The following MAML3 variants were observed in gnomAD, a reference collection of about 807,000 sequenced individuals.
MAML3 encodes mastermind-like protein 3.
A neutral mutation model predicts 101.9 loss-of-function variants in MAML3; 27 were observed. The observed-to-expected ratio is 0.27, with a 90% CI of 0.20 to 0.37. The LOEUF is 0.37. MAML3 is among the 10% of genes least tolerant of loss of function. The pLI is 1.00. For synonymous variants in MAML3, 501 were observed against 555.9 expected (o/e 0.90, Z 1.39); for missense variants, 1,316 against 1,444.9 (o/e 0.91, Z 1.45).
chr4:140,002,659 G>A (rs1734944823), intron 1 of MAML3, among the ~76,000 whole-genome samples: 1 of 152,148 alleles, frequency 6.6e-6, no homozygotes, highest in African/African-American at 2.4e-5. Context: ...ACCTCCCACT[G>A]CCTAACACAG....
intron 1 of MAML3, among the ~76,000 whole-genome samples, chr4:140,045,653 T>C (rs1169600207): frequency 6.6e-6 from 1 of 152,178 alleles, no homozygotes; most frequent in African/African-American, 2.4e-5. Context: ...CTATATAATG[T>C]TTTCACACTT....
intron 1 of MAML3, among the ~76,000 whole-genome samples, chr4:140,143,676 G>C (rs1056368482): frequency 1.3e-5 from 2 of 152,128 alleles, no homozygotes; most frequent in Admixed American, 1.3e-4. Context: ...CAGGAGAATC[G>C]CTTCAACCCA....
intron 1 of MAML3, among the ~76,000 whole-genome samples, chr4:140,146,309 G>A (rs867715533): frequency 7.2e-5 from 11 of 152,216 alleles, no homozygotes; most frequent in Admixed American, 3.9e-4. Context: ...CCCAAATGGA[G>A]AAAGGAACTC....
intron 1 of MAML3, among the ~76,000 whole-genome samples, chr4:140,012,486 T>C (rs1476722007): frequency 6.6e-6 from 1 of 152,226 alleles, no homozygotes; most frequent in Non-Finnish European, 1.5e-5. Flanking sequence ...CCATTCACTT[T>C]ACTCCTGTCC....
intron 1 of MAML3, among the ~76,000 whole-genome samples, chr4:139,983,276 A>G (rs1468993208): frequency 6.6e-6 from 1 of 152,150 alleles, no homozygotes; most frequent in Admixed American, 6.5e-5. Context: ...TTTCCTCCCA[A>G]ATCCCTGGCA....
rs139403647 is a variant in MAML3 at position 139,872,937 on chromosome 4, C to T, written c.2079+16420G>A. The stretch of plus-strand genomic sequence containing the variant: ...TACTAAAAATATTAAAAAAATTAGC[C>T]GGGCATGGTGGTGGGCGCCTGTAAT... On this transcript the variant is annotated intron_variant, in intron 2 of 4. Transcript: ENST00000509479. Among the ~76,000 whole-genome samples, 434 of 151,940 alleles carry T rather than the reference C, an allele frequency of 2.9e-3. 2 individuals are homozygous for T. The highest frequency in any genetic ancestry group is 6.8e-3 in the Middle Eastern group (2 of 294).
At chr4:139,997,713 A>G (rs1734844439) in intron 1 of MAML3, among the ~76,000 whole-genome samples, 2 of 151,058 alleles carry the variant, frequency 1.3e-5, no homozygotes, top group Admixed American at 1.3e-4. Flanking sequence ...TTTAGTATTT[A>G]TTGTAAGAAA....
At chr4:139,903,064 T>C (rs1458477123) in intron 1 of MAML3, among the ~76,000 whole-genome samples, 1 of 152,228 alleles carries the variant, frequency 6.6e-6, no homozygotes, top group East Asian at 1.9e-4. Context: ...ACTGGACATG[T>C]GACCATTGAA....
chr4:139,890,534 T>C lies in MAML3; in HGVS notation c.902A>G (p.Asp301Gly). 2.5e-6 allele frequency: 4 copies of C among 1,614,026 alleles called. No homozygotes were observed. Among genetic ancestry groups the C allele is most frequent in the Non-Finnish European group, 2.5e-6 (3 of 1,179,904 alleles). ...CCACTCCTGATCATTCAGATTAATG[T>C]CTGAGAACAGCTTGTTCTGATTTGA... ...SLSNQNKLFS[D>G]INLNDQEWQE... The change falls in exon 2 of 5, where the codon GAC becomes GGC. Residue 301 changes from aspartate (D) to glycine (G), a missense_variant. Physicochemically the swap from Asp to Gly is moderately conservative, Grantham distance 94. Transcript: ENST00000509479. This position sits in a 1 kb window ranked among gnomAD's most constrained non-coding sequence, Gnocchi z 4.1.
chr4:139,829,028 C>A (rs113685263), intron 2 of MAML3, among the ~76,000 whole-genome samples: 69 of 106,806 alleles, frequency 6.5e-4, no homozygotes, highest in South Asian at 6.0e-3. Context: ...GAAGGACGGA[C>A]GGACGGACTA....
chr4:140,029,283 G>T (rs555722191), intron 1 of MAML3, among the ~76,000 whole-genome samples: 2 of 152,196 alleles, frequency 1.3e-5, no homozygotes, highest in Non-Finnish European at 2.9e-5. Context: ...TCCAGCAATG[G>T]TTCCTCCCTT....
At chr4:139,876,701 T>G (rs1320230837) in intron 2 of MAML3, among the ~76,000 whole-genome samples, 2 of 152,216 alleles carry the variant, frequency 1.3e-5, no homozygotes, top group Admixed American at 1.3e-4. Flanking sequence ...GGACCCAGGC[T>G]GCCACCGATG....
In MAML3 at chr4:139,719,483, C is replaced by G. The variant is rs371235782; in HGVS notation, c.3257G>C (p.Arg1086Pro). 2.5e-6 allele frequency: 4 copies of G among 1,613,904 alleles called. No homozygotes were observed. The African/African-American group carries it at 5.3e-5, about 22-fold the overall frequency. Residue 1086 changes from arginine to proline, a missense_variant, in exon 5 of 5, where the codon CGG becomes CCG. Transcript: ENST00000509479. Reference sequence around the variant, plus strand: ...GTATGACACGTCCTGAGGGGCATTCCGCTCATAGGCTTGGCTCTGGCTGCT... The same window carrying G: ...GTATGACACGTCCTGAGGGGCATTCGGCTCATAGGCTTGGCTCTGGCTGCT... Reference protein sequence around the residue: ...APSSQSQAYERNAPQDVSYNY... With the variant: ...APSSQSQAYEPNAPQDVSYNY...
intron 1 of MAML3, among the ~76,000 whole-genome samples, chr4:139,991,038 T>C (rs1201465838): frequency 1.3e-5 from 2 of 152,152 alleles, no homozygotes; most frequent in Non-Finnish European, 2.9e-5. Flanking sequence ...CTTCACAGAA[T>C]TGGAAAAAAC....
intron 1 of MAML3, among the ~76,000 whole-genome samples, chr4:140,065,496 TCAA>T (rs2110944606): frequency 1.3e-5 from 2 of 152,316 alleles, no homozygotes; most frequent in African/African-American, 4.8e-5. Context: ...CTTTTCAAAA[TCAA>T]CACTTCGTGG....
At chr4:139,903,659 G>A (rs1732768645) in intron 1 of MAML3, among the ~76,000 whole-genome samples, 2 of 152,212 alleles carry the variant, frequency 1.3e-5, no homozygotes, top group South Asian at 4.1e-4. Flanking sequence ...GATTAGAGTG[G>A]GCGCCAATGT....
chr4:140,152,714 A>C, intron 1 of MAML3, 146 bp downstream of exon 1: 2 of 1,388,118 alleles, frequency 1.4e-6, no homozygotes, highest in Non-Finnish European at 1.9e-6. Context: ...CCCTAAGAAA[A>C]GTTGACGTTA....
chr4:139,958,536 T>C (rs1214685318), intron 1 of MAML3, among the ~76,000 whole-genome samples: 2 of 152,170 alleles, frequency 1.3e-5, no homozygotes, highest in Non-Finnish European at 2.9e-5. Context: ...AGGAATAGAC[T>C]TCTGCCAGGG....
chr4:139,791,041 AAATT>A (rs1730399393), intron 2 of MAML3, among the ~76,000 whole-genome samples: 1 of 152,216 alleles, frequency 6.6e-6, no homozygotes, highest in Non-Finnish European at 1.5e-5. Flanking sequence ...AACTGATATA[AAATT>A]AAGTTAGGCT....
Sources: allele counts gnomAD v4.1 joint callset (sites outside exome capture counted in the v4.1 genomes callset), GRCh38; gene constraint gnomAD v4.1.1; non-coding constraint Gnocchi (gnomAD v3.1); transcripts MANE v1.5; gene names NCBI Gene and HGNC (gene_info 2026-07-23, HGNC 2026-07-21).